RRM1: variants seen among roughly 807,000 people sequenced by gnomAD.
RRM1 encodes ribonucleotide reductase catalytic subunit M1, also known as ribonucleoside-diphosphate reductase large subunit.
A neutral mutation model predicts 101.5 loss-of-function variants in RRM1; 19 were observed. The ratio of observed to expected loss-of-function variants is 0.19; its 90% CI spans 0.13 to 0.27. The LOEUF (loss-of-function observed/expected upper bound fraction) is 0.27, where lower values mean the gene tolerates loss of function less well. Ranked by LOEUF, RRM1 falls within the 10% of genes least tolerant of loss-of-function variation. The pLI is 1.00. For missense variants in RRM1, 500 were observed against 962.9 expected (o/e 0.52, Z 6.36); for synonymous variants, 298 against 323.4 (o/e 0.92, Z 0.84).
Position 4,132,049 on chromosome 11 carries a change from T to G in RRM1, c.1770-237T>G, listed in dbSNP as rs2133322196. 6.6e-6 allele frequency among the ~76,000 whole-genome samples: 1 copy of G among 152,320 alleles called. No homozygotes were observed. The highest frequency in any genetic ancestry group is 2.4e-5 in the African/African-American group (1 of 41,580). On this transcript the variant is annotated intron_variant, in intron 15 of 18. Transcript: ENST00000300738. The surrounding 1 kb of genome is among the most constrained non-coding windows in gnomAD (Gnocchi z 4.1). The stretch of plus-strand genomic sequence containing the variant: ...GGATAGCCAACAATAAAAATTGTAC[T>G]AATTCAGTTTAGGAGTCAGGCATTT...
At position 4,095,526 on chromosome 11, in the gene RRM1, T is replaced by C. The variant is rs377549342; in HGVS notation, c.19+495T>C. On this transcript the variant is annotated intron_variant, in intron 1 of 18. Coordinates refer to ENST00000300738, the MANE Select transcript of RRM1 (RefSeq NM_001033.5). ...AGCTAGGAAAGAAGGAGGGGGCCTC[T>C]CTACCCTCCGTAGGCACTTGTCAGT... is the stretch of plus-strand genomic sequence containing the variant. Among the ~76,000 whole-genome samples the C allele has an allele frequency of 1.9e-4, 29 of 152,328 alleles. No homozygotes were observed. In the East Asian group the frequency reaches 5.2e-3, roughly 27 times the overall value.
At chr11:4,101,316 T>A (rs983503796) in intron 1 of RRM1, among the ~76,000 whole-genome samples, 2 of 136,166 alleles carry the variant, frequency 1.5e-5, no homozygotes, top group South Asian at 2.2e-4. Context: ...ATTCTGTGGA[T>A]TTTTTTTTTT....
intron 1 of RRM1, among the ~76,000 whole-genome samples, chr11:4,101,777 C>T (rs1036558174): frequency 1.3e-5 from 2 of 152,054 alleles, no homozygotes; most frequent in East Asian, 1.9e-4. Flanking sequence ...GGAAATTATC[C>T]GTAAACGTCT....
intron 14 of RRM1, among the ~76,000 whole-genome samples, chr11:4,128,506 A>G (rs922139249): frequency 2.0e-5 from 3 of 152,194 alleles, no homozygotes; most frequent in Admixed American, 1.3e-4. Flanking sequence ...CTGGAGTGAC[A>G]TGCATCCTAT....
intron 5 of RRM1, among the ~76,000 whole-genome samples, chr11:4,110,496 G>A (rs1479459192): frequency 6.6e-6 from 1 of 152,090 alleles, no homozygotes; most frequent in Non-Finnish European, 1.5e-5. Flanking sequence ...GGCTGGGCAT[G>A]GTGGCTTACG....
chr11:4,109,524 T>C, intron 4 of RRM1, 120 bp from the exon 5 acceptor site: 1 of 629,378 alleles, frequency 1.6e-6, no homozygotes. Flanking sequence ...TAATGCTTAG[T>C]GTTATCTCAT....
chr11:4,114,239 TAGTG>T (rs1375643379), intron 7 of RRM1, among the ~76,000 whole-genome samples: 1 of 151,948 alleles, frequency 6.6e-6, no homozygotes, highest in African/African-American at 2.4e-5. Flanking sequence ...ATGGGTGAGT[TAGTG>T]AGTGAGTGGT....
At chr11:4,136,900 G>T (rs9666845) in intron 18 of RRM1, among the ~76,000 whole-genome samples, 132,328 of 150,340 alleles carry the variant, frequency 0.88, 58,569 homozygotes, top group South Asian at 0.93. Context: ...GGTTTTCCTA[G>T]GCAGAGGACC....
chr11:4,105,692 G>T (rs1052403556), intron 2 of RRM1: 22 of 401,482 alleles, frequency 5.5e-5, no homozygotes, highest in Non-Finnish European at 9.9e-5. Flanking sequence ...GGGATCACAG[G>T]TGTGTACCAC....
At chr11:4,106,952 GGT>G in intron 3 of RRM1, among the ~76,000 whole-genome samples, 1 of 151,906 alleles carries the variant, frequency 6.6e-6, no homozygotes, top group South Asian at 2.1e-4. Flanking sequence ...GGAGTGCAAT[GGT>G]GTGATTTCGG....
intron 2 of RRM1, among the ~76,000 whole-genome samples, chr11:4,105,418 A>AT (rs2094556891): frequency 6.6e-6 from 1 of 151,866 alleles, no homozygotes; most frequent in South Asian, 2.1e-4. Flanking sequence ...TTTAGTAGGG[A>AT]TGGGGTCTCA....
At chr11:4,097,628 G>A (rs917134567) in intron 1 of RRM1, among the ~76,000 whole-genome samples, 5 of 152,106 alleles carry the variant, frequency 3.3e-5, no homozygotes, top group African/African-American at 1.2e-4. Flanking sequence ...GTCTTGCTCT[G>A]TCATCCAGGC....
intron 18 of RRM1, 135 bp downstream of exon 18, chr11:4,135,405 C>A: frequency 1.6e-6 from 1 of 632,062 alleles, no homozygotes; most frequent in Non-Finnish European, 2.5e-6. Context: ...ACGTTAAAAC[C>A]AACCCATGGT....
intron 16 of RRM1, among the ~76,000 whole-genome samples, chr11:4,133,290 C>T (rs2094603444): frequency 6.6e-6 from 1 of 152,164 alleles, no homozygotes; most frequent in African/African-American, 2.4e-5. Context: ...AATTCTCATG[C>T]CTCAGCCTCC....
chr11:4,097,420 A>C (rs2094545222), intron 1 of RRM1, among the ~76,000 whole-genome samples: 1 of 152,048 alleles, frequency 6.6e-6, no homozygotes. Context: ...AGCATTCAGC[A>C]AGACTTAATA....
At chr11:4,120,450 ACCTC>A (rs1259242120) in intron 9 of RRM1, among the ~76,000 whole-genome samples, 2 of 151,332 alleles carry the variant, frequency 1.3e-5, no homozygotes, top group African/African-American at 2.4e-5. Flanking sequence ...CGTAGCCTTG[ACCTC>A]CTGGACTTAA....
At chr11:4,113,972 T>G (rs943625273) in intron 7 of RRM1, among the ~76,000 whole-genome samples, 1 of 149,924 alleles carries the variant, frequency 6.7e-6, no homozygotes, top group Non-Finnish European at 1.5e-5. Flanking sequence ...ACTAAAAATA[T>G]AGATATAAAA....
intron 1 of RRM1, 132 bp from the exon 2 acceptor site, chr11:4,101,861 C>T (rs1048945206): frequency 5.1e-5 from 31 of 608,530 alleles, no homozygotes; most frequent in Middle Eastern, 4.4e-4. Context: ...TTGAGGGGGC[C>T]TCAATCTTTT....
At chr11:4,110,297 C>A (rs2094563566) in intron 5 of RRM1, among the ~76,000 whole-genome samples, 1 of 152,036 alleles carries the variant, frequency 6.6e-6, no homozygotes, top group African/African-American at 2.4e-5. Flanking sequence ...GGACTACAGG[C>A]ACACACCACC....
Sources: gnomAD v4.1 joint callset for allele counts (sites outside exome capture counted in the v4.1 genomes callset) on GRCh38, gnomAD v4.1.1 for gene constraint, Gnocchi (gnomAD v3.1) non-coding constraint, MANE v1.5 for transcripts, NCBI Gene and HGNC (gene_info 2026-07-23, HGNC 2026-07-21) for gene names.